Variants in CAP2 observed in about 807,000 individuals in gnomAD.
The protein encoded by CAP2 is cyclase associated actin cytoskeleton regulatory protein 2.
A neutral mutation model predicts 57.7 loss-of-function variants in CAP2; 24 were observed. That is an observed-to-expected ratio of 0.42 (90% CI 0.30 to 0.58). CAP2 has a LOEUF of 0.58. Among genes scored for constraint, CAP2 ranks in the 20% least tolerant of loss-of-function variants. CAP2 has a pLI of 0.22. For missense variants in CAP2, 501 were observed against 590.3 expected (o/e 0.85, Z 1.57); for synonymous variants, 194 against 207.2 (o/e 0.94, Z 0.55).
At chr6:17,507,971 T>G (rs2113659051) in intron 6 of CAP2, among the ~76,000 whole-genome samples, 1 of 152,346 alleles carries the variant, frequency 6.6e-6, no homozygotes, top group South Asian at 2.1e-4. Flanking sequence ...TCTCCCCACT[T>G]GAATGCATGT....
intron 4 of CAP2, among the ~76,000 whole-genome samples, chr6:17,491,498 A>G (rs1178537933): frequency 6.6e-6 from 1 of 152,170 alleles, no homozygotes; most frequent in Non-Finnish European, 1.5e-5. Flanking sequence ...TTAGTCCTCT[A>G]TTGTGTGTCA....
At chr6:17,509,052 G>A (rs573104584) in intron 6 of CAP2, among the ~76,000 whole-genome samples, 1 of 152,040 alleles carries the variant, frequency 6.6e-6, no homozygotes, top group South Asian at 2.1e-4. Context: ...ACTGTGCCTG[G>A]CCTCAATTCA....
At chr6:17,418,422 AC>A (rs999680829) in intron 1 of CAP2, among the ~76,000 whole-genome samples, 7 of 152,078 alleles carry the variant, frequency 4.6e-5, no homozygotes, top group Non-Finnish European at 8.8e-5. Context: ...TCGCTTTTCG[AC>A]TGCATTCCAC....
At chr6:17,529,934 T>C (rs1165729173) in intron 7 of CAP2, among the ~76,000 whole-genome samples, 1 of 151,720 alleles carries the variant, frequency 6.6e-6, no homozygotes, top group Non-Finnish European at 1.5e-5. Context: ...TGGGAGGCTC[T>C]CTTGAGCCCA....
At chr6:17,498,307 A>T (rs1032003954) in intron 4 of CAP2, among the ~76,000 whole-genome samples, 18 of 152,262 alleles carry the variant, frequency 1.2e-4, no homozygotes, top group Non-Finnish European at 5.9e-5. Context: ...GAAGACTTTG[A>T]ATGATTCTGA....
chr6:17,421,811 T>A, intron 2 of CAP2, 135 bp downstream of exon 2: 1 of 981,140 alleles, frequency 1.0e-6, no homozygotes, highest in Non-Finnish European at 1.6e-6. Context: ...ACCATAACAT[T>A]AACCAGAGGC....
chr6:17,450,026 T>G (rs566864541), intron 3 of CAP2, among the ~76,000 whole-genome samples: 2 of 152,094 alleles, frequency 1.3e-5, no homozygotes, highest in South Asian at 4.2e-4. Flanking sequence ...TCATCCTTTT[T>G]GCAAAAGAAA....
At chr6:17,394,556 C>A (rs780410985) in intron 1 of CAP2, among the ~76,000 whole-genome samples, 46 of 152,238 alleles carry the variant, frequency 3.0e-4, no homozygotes, top group Non-Finnish European at 6.0e-4. Context: ...GGACTAGGTC[C>A]AAACAGCCAG....
At chr6:17,532,470 G>A (rs1451089760) in intron 7 of CAP2, among the ~76,000 whole-genome samples, 22 of 150,356 alleles carry the variant, frequency 1.5e-4, no homozygotes, top group Admixed American at 1.4e-3. Flanking sequence ...TTTAGGTAGG[G>A]TGCAGTGGCT....
intron 11 of CAP2, among the ~76,000 whole-genome samples, 153 bp from the exon 12 acceptor site, chr6:17,551,311 T>C (rs2296250): frequency 6.6e-6 from 1 of 152,184 alleles, no homozygotes; most frequent in East Asian, 1.9e-4. Flanking sequence ...CTGAAGACTT[T>C]GCCATTAACT....
chr6:17,491,503 G>A (rs572208819), intron 4 of CAP2, among the ~76,000 whole-genome samples: 6 of 152,268 alleles, frequency 3.9e-5, no homozygotes, highest in South Asian at 4.1e-4. Context: ...CCTCTATTGT[G>A]TGTCAGACAT....
chr6:17,536,090 A>T (rs1416523838), intron 7 of CAP2: 1 of 403,156 alleles, frequency 2.5e-6, no homozygotes, highest in East Asian at 7.1e-5. Flanking sequence ...AAGTGCTGGG[A>T]CTACATACAG....
chr6:17,416,027 T>A (rs34192788), intron 1 of CAP2, among the ~76,000 whole-genome samples: 37,285 of 150,724 alleles, frequency 0.25, 5,438 homozygotes, highest in South Asian at 0.32. Flanking sequence ...CCTTTGCTGT[T>A]TAGAAGCAAA....
At chr6:17,422,089 T>C (rs1430589292) in intron 2 of CAP2, among the ~76,000 whole-genome samples, 1 of 152,232 alleles carries the variant, frequency 6.6e-6, no homozygotes, top group African/African-American at 2.4e-5. Context: ...TTTCATTTAG[T>C]GTTCATACTG....
At chr6:17,412,611 G>A (rs145679030) in intron 1 of CAP2, among the ~76,000 whole-genome samples, 47 of 152,266 alleles carry the variant, frequency 3.1e-4, no homozygotes, top group African/African-American at 1.1e-3. Context: ...CTTAAACTAC[G>A]AGGCAGATCA....
intron 12 of CAP2, among the ~76,000 whole-genome samples, chr6:17,554,864 C>T (rs1481334079): frequency 6.6e-6 from 1 of 152,232 alleles, no homozygotes; most frequent in Non-Finnish European, 1.5e-5. Context: ...TGGAGAATCA[C>T]TGTCTGGGAA....
rs555038780 is a variant in CAP2 at position 17,409,264 on chromosome 6, C to T, written c.-1-12291C>T. On this transcript the variant is annotated intron_variant, in intron 1 of 12. Transcript: ENST00000229922. ...GCAGGCACCTATAATCCCAGCTACT[C>T]GGGAGGCTGGGGCAGAAGAATCACC... Among the ~76,000 whole-genome samples, 86 of 151,840 alleles carry T rather than the reference C, an allele frequency of 5.7e-4. 1 individual carries two copies. The highest frequency in any genetic ancestry group is 2.0e-3 in the African/African-American group (83 of 41,476).
At chr6:17,463,198 G>A in intron 4 of CAP2, 125 bp downstream of exon 4, 1 of 659,606 alleles carries the variant, frequency 1.5e-6, no homozygotes, top group East Asian at 2.8e-5. Flanking sequence ...GCACGTGTAT[G>A]TTCTGTCTCT....
intron 7 of CAP2, among the ~76,000 whole-genome samples, chr6:17,520,081 C>G (rs1017659756): frequency 2.0e-5 from 3 of 151,876 alleles, no homozygotes; most frequent in African/African-American, 7.2e-5. Flanking sequence ...TGATGTAGTT[C>G]TATTTTTTTT....
Sources: allele counts gnomAD v4.1 joint callset (sites outside exome capture counted in the v4.1 genomes callset), GRCh38; gene constraint gnomAD v4.1.1; transcripts MANE v1.5; gene names NCBI Gene and HGNC (gene_info 2026-07-23, HGNC 2026-07-21).